Variants in FAM114A1 observed in about 807,000 individuals in gnomAD.
The protein encoded by FAM114A1 is family with sequence similarity 114 member A1, also known as protein NOXP20.
A neutral mutation model predicts 64.3 loss-of-function variants in FAM114A1; 62 were observed. The ratio of observed to expected loss-of-function variants is 0.96; its 90% confidence interval spans 0.79 to 1.19. The LOEUF (loss-of-function observed/expected upper bound fraction) is 1.19. Ranked by LOEUF, FAM114A1 falls within the 50% of genes most tolerant of loss-of-function variation. The probability of loss-of-function intolerance (pLI) is 0.00; values close to 1 mark genes in which losing one functional copy is unlikely to be tolerated. For missense variants in FAM114A1, 645 were observed against 676.3 expected, an observed-to-expected ratio of 0.95 and a Z score of 0.51; for synonymous variants, 254 against 251.1, an observed-to-expected ratio of 1.01 and a Z score of -0.11.
intron 8 of FAM114A1, among the ~76,000 whole-genome samples, chr4:38,916,968 G>A (rs114299938): frequency 0.031 from 4,764 of 151,888 alleles, 113 homozygotes; most frequent in Middle Eastern, 0.12. Flanking sequence ...AAATTGCTCC[G>A]ATAAATTCAG....
intron 9 of FAM114A1, among the ~76,000 whole-genome samples, chr4:38,926,447 T>C (rs1720096508): frequency 6.7e-6 from 1 of 149,356 alleles, no homozygotes; most frequent in African/African-American, 2.5e-5. Context: ...TCTGTCTCTC[T>C]CTCTCTCCCC....
At chr4:38,923,477 T>G (rs867725952) in intron 9 of FAM114A1, among the ~76,000 whole-genome samples, 2 of 152,104 alleles carry the variant, frequency 1.3e-5, no homozygotes, top group South Asian at 4.1e-4. Flanking sequence ...TGCCTCGGCC[T>G]CCCAAAGTGC....
chr4:38,872,262 C>T (rs1714149893), intron 2 of FAM114A1, among the ~76,000 whole-genome samples: 2 of 152,150 alleles, frequency 1.3e-5, no homozygotes, highest in African/African-American at 4.8e-5. Flanking sequence ...ATCCAGCCAC[C>T]CTTAGGGCAC....
chr4:38,902,670 CA>C (rs2109661831), intron 4 of FAM114A1, among the ~76,000 whole-genome samples: 1 of 152,210 alleles, frequency 6.6e-6, no homozygotes, highest in South Asian at 2.1e-4. Context: ...GAGGATATTC[CA>C]TCTTTAGAAC....
At position 38,878,349 on chromosome 4, in the gene FAM114A1, C is replaced by G. The variant is rs375845425; in HGVS notation, c.271C>G (p.Leu91Val). 1 of 1,614,016 alleles carries G rather than the reference C, an allele frequency of 6.2e-7. No individual in the cohort carries two copies. ...PLNGDVTEDT[L>V]AECIDSVSLE... ...CAATGGAGACGTGACTGAGGATACA[C>G]TTGCTGAATGTATTGATTCCGTCAG... Residue 91 changes from leucine (L) to valine (V), a missense_variant, in exon 3 of 15, where the codon CTT becomes GTT. Leu to Val is a conservative substitution (Grantham distance 32, BLOSUM62 1). Coordinates refer to ENST00000358869, the MANE Select transcript of FAM114A1 (RefSeq NM_138389.4).
At chr4:38,882,143 T>G (rs1715333919) in intron 3 of FAM114A1, among the ~76,000 whole-genome samples, 1 of 148,454 alleles carries the variant, frequency 6.7e-6, no homozygotes, top group African/African-American at 2.5e-5. Context: ...AAACCCCGTC[T>G]CTACTAAAAA....
At chr4:38,919,395 C>G (rs148180428) in intron 8 of FAM114A1, among the ~76,000 whole-genome samples, 8 of 152,290 alleles carry the variant, frequency 5.3e-5, no homozygotes, top group African/African-American at 1.4e-4. Flanking sequence ...TGCCCTAGTT[C>G]AAGCTCCAGC....
intron 13 of FAM114A1, among the ~76,000 whole-genome samples, chr4:38,936,236 G>A (rs1721082177): frequency 6.6e-6 from 1 of 151,810 alleles, no homozygotes. Context: ...GGGACTACAG[G>A]CGCCCGCCAC....
Position 38,928,660 on chromosome 4 carries a change from G to C in FAM114A1, c.1070-582G>C, listed in dbSNP as rs188820770. 2.0e-5 allele frequency among the ~76,000 whole-genome samples: 3 copies of C among 152,292 alleles called. No homozygotes were observed. The East Asian group carries it at 5.8e-4, about 29-fold the overall frequency. On this transcript the variant is annotated intron_variant, in intron 9 of 14. Transcript: ENST00000358869. ...TCTGTCCCTCAGTAGCTTCCAGGGT[G>C]AAAGGAAGACAGATCATTAAGAAAT...
chr4:38,919,289 C>T (rs1317877672), intron 8 of FAM114A1, among the ~76,000 whole-genome samples: 1 of 152,184 alleles, frequency 6.6e-6, no homozygotes, highest in Non-Finnish European at 1.5e-5. Context: ...TCCCAGACTC[C>T]TCAAATTTGA....
At chr4:38,921,275 T>C (rs901309911) in intron 8 of FAM114A1, among the ~76,000 whole-genome samples, 2 of 152,176 alleles carry the variant, frequency 1.3e-5, no homozygotes, top group Non-Finnish European at 2.9e-5. Flanking sequence ...GTACAAATAA[T>C]GTTCTGTTTT....
intron 10 of FAM114A1, among the ~76,000 whole-genome samples, chr4:38,929,670 G>A (rs1383583032): frequency 4.6e-5 from 7 of 152,180 alleles, no homozygotes; most frequent in Non-Finnish European, 8.8e-5. Flanking sequence ...CCAGCTACTC[G>A]GGAGACTGAG....
intron 9 of FAM114A1, among the ~76,000 whole-genome samples, chr4:38,927,049 T>G (rs75643395): frequency 0.2 from 29,929 of 152,156 alleles, 3,156 homozygotes; most frequent in Middle Eastern, 0.3. Context: ...GCAGCCACGC[T>G]GACGTCCTTG....
intron 3 of FAM114A1, among the ~76,000 whole-genome samples, chr4:38,891,360 G>A (rs1484923002): frequency 1.3e-5 from 2 of 148,740 alleles, no homozygotes; most frequent in Admixed American, 1.3e-4. Context: ...CATTTTTTAA[G>A]CCCTGTAAGA....
At chr4:38,925,186 T>C (rs1184834629) in intron 9 of FAM114A1, among the ~76,000 whole-genome samples, 1 of 152,192 alleles carries the variant, frequency 6.6e-6, no homozygotes, top group Non-Finnish European at 1.5e-5. Context: ...CGCCTTAATT[T>C]GACAAAACCC....
At chr4:38,931,673 G>T (rs1720655265) in intron 11 of FAM114A1, 61 bp downstream of exon 11, 7 of 1,480,322 alleles carry the variant, frequency 4.7e-6, no homozygotes, top group African/African-American at 1.4e-5. Context: ...TTTATTAGCA[G>T]CTTAATTTTA....
chr4:38,938,757 C>T (rs542953091), intron 13 of FAM114A1: 1 of 152,256 alleles, frequency 6.6e-6, no homozygotes, highest in South Asian at 2.1e-4. Context: ...TTGATTCACT[C>T]AAGCCTCTCA....
chr4:38,919,718 T>C (rs370693279), intron 8 of FAM114A1, among the ~76,000 whole-genome samples: 1 of 152,300 alleles, frequency 6.6e-6, no homozygotes, highest in East Asian at 1.9e-4. Flanking sequence ...TCCCATGTTT[T>C]AAAAGCCTTG....
rs424321 is a variant in FAM114A1, at chr4:38,878,424, C to G, written c.346C>G (p.Leu116Val). ...SEIPLQEQNY[L>V]AVDSPPSGGG... ...AATACCCCTGCAAGAACAGAATTAT[C>G]TGGTAAGAATGGGTCATTCAATTCA... The change falls in exon 3 of 15, where the codon CTG becomes GTG. Residue 116 changes from leucine (L) to valine (V), a missense_variant and splice_region_variant. By Grantham distance (32) the Leu-to-Val change is conservative (BLOSUM62 1). Coordinates refer to ENST00000358869, the MANE Select transcript of FAM114A1 (RefSeq NM_138389.4). The G allele has an allele frequency of 1.3e-6, 2 of 1,583,362 alleles. No homozygotes were observed. The highest frequency in any genetic ancestry group is 1.7e-6 in the Non-Finnish European group (2 of 1,163,574).
Sources: allele counts gnomAD v4.1 joint callset (sites outside exome capture counted in the v4.1 genomes callset), GRCh38; gene constraint gnomAD v4.1.1; transcripts MANE v1.5; gene names NCBI Gene and HGNC (gene_info 2026-07-23, HGNC 2026-07-21).